C1orf50: variants seen among roughly 807,000 people sequenced by gnomAD.
The protein encoded by C1orf50 is chromosome 1 open reading frame 50.
In C1orf50, 22 loss-of-function variants were observed where a neutral mutation model predicts 23.3. The observed-to-expected ratio is 0.94, with a 90% CI of 0.67 to 1.35. The LOEUF (loss-of-function observed/expected upper bound fraction) is 1.35. Among genes scored for constraint, C1orf50 ranks in the 40% most tolerant of loss-of-function variants. The probability of loss-of-function intolerance (pLI) is 0.00; values close to 1 mark genes in which losing one functional copy is unlikely to be tolerated. For synonymous variants in C1orf50, 96 were observed against 102.4 expected, an observed-to-expected ratio of 0.94 and a Z score of 0.38; for missense variants, 271 against 249.4, an observed-to-expected ratio of 1.09 and a Z score of -0.58.
chr1:42,767,750 C>T (rs1483044745), intron 2 of C1orf50, 126 bp downstream of exon 2: 8 of 815,416 alleles, frequency 9.8e-6, no homozygotes, highest in Admixed American at 5.6e-5. Context: ...ATTTTACAGA[C>T]GAGTAAAGCC....
In C1orf50 at chr1:42,779,258, T is replaced by G. The variant is rs1315202000; in HGVS notation, c.*3864T>G. ...CGGGCGTGGTGGCGGGCGCCTGTAA[T>G]CCCAGCTACTCGGGAGGCTGAGGCA... On this transcript the variant is annotated 3_prime_UTR_variant, in exon 5 of 5. Coordinates refer to ENST00000372525, the MANE Select transcript of C1orf50 (RefSeq NM_024097.4). 6.6e-6 allele frequency: 1 copy of G among 151,324 alleles called. No homozygotes were observed. The highest frequency in any genetic ancestry group is 1.5e-5 in the Non-Finnish European group (1 of 67,974). The allele number at this position is 151,324 out of a possible 1,614,324, so 9.4% of individuals were successfully genotyped here.
chr1:42,773,740 T>C (rs573366707), intron 3 of C1orf50, 91 bp downstream of exon 3: 19 of 763,672 alleles, frequency 2.5e-5, no homozygotes, highest in Non-Finnish European at 4.0e-5. Flanking sequence ...ACTTTTTATG[T>C]CTTTAATACC....
intron 2 of C1orf50, among the ~76,000 whole-genome samples, chr1:42,769,200 A>T (rs1653163627): frequency 6.6e-6 from 1 of 151,980 alleles, no homozygotes; most frequent in East Asian, 1.9e-4. Context: ...GTGAGCCGAG[A>T]TCGCACCACT....
In C1orf50 at chr1:42,779,369, T is replaced by TC. The variant is rs1306244339; in HGVS notation, c.*3977dup. 1 of 78,106 alleles carries TC rather than the reference T, an allele frequency of 1.3e-5. No individual in the cohort carries two copies. Among genetic ancestry groups the TC allele is most frequent in the East Asian group, 3.1e-4 (1 of 3,228 alleles). 4.8% of individuals were successfully genotyped at this position (78,106 alleles called of 1,614,324 possible). The stretch of plus-strand genomic sequence containing the variant: ...TCCAACTTGGGCAACAGAGCAAGAC[T>TC]CCATCTCAAAAAAAAAAAAAAAAGA... On this transcript the variant is annotated 3_prime_UTR_variant, in exon 5 of 5. Coordinates refer to ENST00000372525, the MANE Select transcript of C1orf50 (RefSeq NM_024097.4).
At chr1:42,770,921 T>C (rs1653204362) in intron 2 of C1orf50, among the ~76,000 whole-genome samples, 1 of 152,156 alleles carries the variant, frequency 6.6e-6, no homozygotes, top group Admixed American at 6.5e-5. Context: ...TCTCCTTTCA[T>C]TTAGACCCAA....
chr1:42,771,353 T>TA (rs1479524949), intron 2 of C1orf50, among the ~76,000 whole-genome samples: 1 of 152,180 alleles, frequency 6.6e-6, no homozygotes, highest in Admixed American at 6.5e-5. Context: ...AATTTGAATT[T>TA]AAAAAACCTG....
chr1:42,774,023 A>G (rs904475842), intron 3 of C1orf50, among the ~76,000 whole-genome samples: 9 of 152,044 alleles, frequency 5.9e-5, no homozygotes, highest in South Asian at 2.1e-4. Flanking sequence ...GGGTTTTGCC[A>G]TGTTGGCCAG....
At position 42,768,916 on chromosome 1, in the gene C1orf50, G is replaced by GA. The variant is rs998134544; in HGVS notation, c.195+1302dup. The stretch of plus-strand genomic sequence containing the variant: ...TACAATCTGTATTTGAGAAGCTGAA[G>GA]AAAAAAAAAACTTTAGAGACAAACA... On this transcript the variant is annotated intron_variant, in intron 2 of 4. Coordinates refer to ENST00000372525, the MANE Select transcript of C1orf50 (RefSeq NM_024097.4). Among the ~76,000 whole-genome samples, 116 of 148,308 alleles carry GA rather than the reference G, an allele frequency of 7.8e-4. No homozygotes were observed. In the East Asian group the frequency reaches 0.017, roughly 21 times the overall value.
At chr1:42,768,916 GAAA>G (rs998134544) in intron 2 of C1orf50, among the ~76,000 whole-genome samples, 1 of 148,340 alleles carries the variant, frequency 6.7e-6, no homozygotes, top group Non-Finnish European at 1.5e-5. Context: ...AGAAGCTGAA[GAAA>G]AAAAAAACTT....
At chr1:42,770,545 G>C (rs1339360758) in intron 2 of C1orf50, among the ~76,000 whole-genome samples, 3 of 151,778 alleles carry the variant, frequency 2.0e-5, no homozygotes, top group African/African-American at 4.8e-5. Flanking sequence ...CAATTCTCCT[G>C]CCTCAGCCTC....
chr1:42,772,545 C>T (rs1258802680), intron 2 of C1orf50, among the ~76,000 whole-genome samples: 1 of 152,096 alleles, frequency 6.6e-6, no homozygotes, highest in African/African-American at 2.4e-5. Flanking sequence ...CTTTGGGAGG[C>T]CGAGGTGGGC....
At chr1:42,772,780 GAA>G (rs10715539) in intron 2 of C1orf50, among the ~76,000 whole-genome samples, 229 of 149,924 alleles carry the variant, frequency 1.5e-3, no homozygotes, top group African/African-American at 4.9e-3. Context: ...AAAACTGTCT[GAA>G]AAAAAAAAAA....
chr1:42,776,967 T>C lies in C1orf50; in HGVS notation c.*1573T>C, dbSNP rs941814994. The C allele has an allele frequency of 1.3e-5, 2 of 152,258 alleles. No homozygotes were observed. The highest frequency in any genetic ancestry group is 2.4e-5 in the African/African-American group (1 of 41,468). The allele number at this position is 152,258 out of a possible 1,614,324, so 9.4% of individuals were successfully genotyped here. A position where few individuals can be genotyped will look rare whatever the true frequency, so the allele number is the denominator to read the frequency against. ...TCAGGCACCATTTCATTGAGTCCTC[T>C]GCTTCACAGTTTCTCTGAAACCCTG... On this transcript the variant is annotated 3_prime_UTR_variant, in exon 5 of 5. Transcript: ENST00000372525.
At chr1:42,773,413 G>A (rs1653264887) in intron 2 of C1orf50, 150 bp from the exon 3 acceptor site, 1 of 532,552 alleles carries the variant, frequency 1.9e-6, no homozygotes, top group East Asian at 3.4e-5. Context: ...GTGGGGCCTC[G>A]GATGAGTGGG....
intron 4 of C1orf50, 61 bp downstream of exon 4, chr1:42,774,929 T>C (rs565197631): frequency 1.3e-4 from 202 of 1,554,872 alleles, no homozygotes; most frequent in Middle Eastern, 1.7e-4. Flanking sequence ...TCTTGGTATA[T>C]GTGTGAAAAT....
Position 42,776,118 on chromosome 1 carries a change from TTA to T in C1orf50, c.*727_*728del, listed in dbSNP as rs1050517249. The T allele has an allele frequency of 2.0e-5, 3 of 152,136 alleles. No individual in the cohort carries two copies. The highest frequency in any genetic ancestry group is 6.6e-5 in the Admixed American group (1 of 15,262). The allele number at this position is 152,136 out of a possible 1,614,324, so 9.4% of individuals were successfully genotyped here. On this transcript the variant is annotated 3_prime_UTR_variant, in exon 5 of 5. Coordinates refer to ENST00000372525, the MANE Select transcript of C1orf50 (RefSeq NM_024097.4). ...AGACATTGGATGCTGCCACTAATCA[TTA>T]TAGAGTCCACTGTGTAGTCTCCCAA...
chr1:42,775,157 C>T, intron 4 of C1orf50, 52 bp from the exon 5 acceptor site: 1 of 1,496,162 alleles, frequency 6.7e-7, no homozygotes, highest in Admixed American at 1.8e-5. Flanking sequence ...GAAATGAGCT[C>T]AGTTTGTTTA....
In C1orf50 at chr1:42,767,267, T is replaced by C; in HGVS notation, c.-45T>C. Reference sequence around the variant, plus strand: ...CCCACGCGCCTTTATGCGCAGGCTCTTCCTACTCGCACAGCCCAGGGAGTG... The same window carrying C: ...CCCACGCGCCTTTATGCGCAGGCTCCTCCTACTCGCACAGCCCAGGGAGTG... On this transcript the variant is annotated 5_prime_UTR_variant, in exon 1 of 5. Transcript: ENST00000372525. The C allele has an allele frequency of 6.8e-7, 1 of 1,466,094 alleles. No homozygotes were observed. The highest frequency in any genetic ancestry group is 9.0e-7 in the Non-Finnish European group (1 of 1,110,914). 90.8% of individuals were successfully genotyped at this position (1,466,094 alleles called of 1,614,324 possible). A position where few individuals can be genotyped will look rare whatever the true frequency, so the allele number is the denominator to read the frequency against.
rs1232208006 is a variant in C1orf50, at chr1:42,773,545, G to GT, written c.196-12dup. ...TTTTCCTCTTTCAACCCACAGTTTA[G>GT]TTTTTTCTCACCTGTAGGCTGATGA... On this transcript the variant is annotated splice_polypyrimidine_tract_variant and intron_variant, in intron 2 of 4. Coordinates refer to ENST00000372525, the MANE Select transcript of C1orf50 (RefSeq NM_024097.4). 1 of 1,550,914 alleles carries GT rather than the reference G, an allele frequency of 6.4e-7. No homozygotes were observed. Among genetic ancestry groups the GT allele is most frequent in the Non-Finnish European group, 8.9e-7 (1 of 1,125,654 alleles).
Sources: allele counts gnomAD v4.1 joint callset (sites outside exome capture counted in the v4.1 genomes callset), GRCh38; gene constraint gnomAD v4.1.1; transcripts MANE v1.5; gene names NCBI Gene and HGNC (gene_info 2026-07-23, HGNC 2026-07-21).